The following UGT1A9 variants were observed in gnomAD, a reference collection of about 807,000 sequenced individuals.
UGT1A9 encodes UDP-glucuronosyltransferase 1A9.
A neutral mutation model predicts 45.0 loss-of-function variants in UGT1A9; 35 were observed. The observed-to-expected ratio is 0.78, with a 90% CI of 0.59 to 1.03. The LOEUF (loss-of-function observed/expected upper bound fraction) is 1.03, where lower values mean the gene tolerates loss of function less well. UGT1A9 is among the 50% of genes least tolerant of loss of function. The pLI is 0.00. For missense variants in UGT1A9, 687 were observed against 666.6 expected (o/e 1.03, Z -0.34); for synonymous variants, 278 against 250.6 (o/e 1.11, Z -1.03).
rs541532523 is a variant in UGT1A9, at chr2:233,772,760, G to A, written c.*201G>A. The A allele has an allele frequency of 2.4e-5, 33 of 1,393,894 alleles. No homozygotes were observed. The South Asian group carries it at 2.9e-4, about 12-fold the overall frequency. The allele number at this position is 1,393,894 out of a possible 1,614,324, so 86.3% of individuals were successfully genotyped here. A position where few individuals can be genotyped will look rare whatever the true frequency, so the allele number is the denominator to read the frequency against. On this transcript the variant is annotated 3_prime_UTR_variant, in exon 5 of 5. Transcript: ENST00000354728. ...CAGTAAAGATATTTGAATATGTATC[G>A]TGCCCCCTCTGGTGTCTTTGATCAG...
intron 1 of UGT1A9, chr2:233,719,437 C>T (rs1189079913): frequency 6.2e-7 from 1 of 1,613,870 alleles, no homozygotes; most frequent in East Asian, 2.2e-5. Context: ...GACCACATGA[C>T]ATTCCTGCAA....
At chr2:233,712,339 T>A (rs545397552) in intron 1 of UGT1A9, among the ~76,000 whole-genome samples, 7 of 152,174 alleles carry the variant, frequency 4.6e-5, no homozygotes, top group Non-Finnish European at 1.0e-4. Context: ...AATCTGATCA[T>A]CACATCTTGA....
rs1209379980 is a variant in UGT1A9, at chr2:233,682,140, G to T, written c.855+9351G>T. 5.6e-6 allele frequency: 9 copies of T among 1,614,082 alleles called. No homozygotes were observed. Among genetic ancestry groups the T allele is most frequent in the Non-Finnish European group, 7.6e-6 (9 of 1,180,026 alleles). ...CCAGAGGTGAGTTGGCAACTGGGAA[G>T]ATCACTGAATTGCACAGTGAAGACT... On this transcript the variant is annotated intron_variant, in intron 1 of 4. Transcript: ENST00000354728.
At chr2:233,708,481 G>A (rs1350842502) in intron 1 of UGT1A9, 2 of 152,206 alleles carry the variant, frequency 1.3e-5, no homozygotes, top group Non-Finnish European at 2.9e-5. Flanking sequence ...GCTGAGCGTG[G>A]TGGCTCATGC....
chr2:233,718,714 A>G (rs1440989582), intron 1 of UGT1A9: 4 of 1,607,872 alleles, frequency 2.5e-6, no homozygotes, highest in Non-Finnish European at 3.4e-6. Flanking sequence ...TTCCAATTAC[A>G]TGCTGATTTG....
chr2:233,688,438 C>T (rs1367790145), intron 1 of UGT1A9, among the ~76,000 whole-genome samples: 1 of 152,212 alleles, frequency 6.6e-6, no homozygotes, highest in African/African-American at 2.4e-5. Flanking sequence ...TACCTGACTG[C>T]CTCCCTGTGT....
At chr2:233,693,217 A>G (rs1044652784) in intron 1 of UGT1A9, 20 of 1,614,092 alleles carry the variant, frequency 1.2e-5, no homozygotes, top group Non-Finnish European at 1.6e-5. Flanking sequence ...AAGAATCCAA[A>G]TACTACACAA....
intron 1 of UGT1A9, among the ~76,000 whole-genome samples, chr2:233,699,389 T>C (rs1285645026): frequency 3.3e-5 from 5 of 152,220 alleles, no homozygotes; most frequent in Non-Finnish European, 5.9e-5. Flanking sequence ...AATATCTCAA[T>C]TTTAGAAGAG....
At chr2:233,746,881 A>T (rs1422259027) in intron 1 of UGT1A9, among the ~76,000 whole-genome samples, 1 of 151,740 alleles carries the variant, frequency 6.6e-6, no homozygotes, top group Non-Finnish European at 1.5e-5. Context: ...TGGTTAACAG[A>T]GAAGTAGGAG....
chr2:233,730,202 A>G (rs1380136603), intron 1 of UGT1A9, among the ~76,000 whole-genome samples: 2 of 152,160 alleles, frequency 1.3e-5, no homozygotes, highest in African/African-American at 4.8e-5. Context: ...GAGGAAGAGG[A>G]AGTAGACACG....
chr2:233,747,315 A>C (rs1575682403), intron 1 of UGT1A9: 2 of 1,603,160 alleles, frequency 1.2e-6, no homozygotes, highest in Non-Finnish European at 1.7e-6. Context: ...TGCTGGTGGT[A>C]CCCATTGATG....
chr2:233,747,843 G>C, intron 1 of UGT1A9: 1 of 1,613,470 alleles, frequency 6.2e-7, no homozygotes, highest in African/African-American at 1.3e-5. Context: ...CCTGCAAAGG[G>C]TCAAGAACAT....
intron 1 of UGT1A9, among the ~76,000 whole-genome samples, chr2:233,737,437 T>C (rs980239131): frequency 1.1e-4 from 16 of 152,146 alleles, no homozygotes; most frequent in Admixed American, 3.3e-4. Flanking sequence ...GGTGGGAGTG[T>C]CCCGTTTTTC....
intron 1 of UGT1A9, among the ~76,000 whole-genome samples, chr2:233,711,092 G>A (rs138181984): frequency 6.6e-6 from 1 of 152,130 alleles, no homozygotes; most frequent in Admixed American, 6.5e-5. Flanking sequence ...AAGTCTATCT[G>A]TGCAGCCCAG....
intron 1 of UGT1A9, chr2:233,690,760 TACACACACACACACATACACACAC>T: frequency 2.3e-5 from 21 of 905,434 alleles, no homozygotes; most frequent in Non-Finnish European, 2.8e-5. Flanking sequence ...AGTGCAGACA[TACACACACACACACATACACACAC>T]ACACACACAC....
chr2:233,718,776 G>A, intron 1 of UGT1A9: 1 of 1,612,920 alleles, frequency 6.2e-7, no homozygotes, highest in Middle Eastern at 2.0e-4. Flanking sequence ...AATGTAGCAG[G>A]CACAGCGTGG....
chr2:233,744,670 C>T (rs1462469986), intron 1 of UGT1A9, among the ~76,000 whole-genome samples: 1 of 151,906 alleles, frequency 6.6e-6, no homozygotes, highest in Non-Finnish European at 1.5e-5. Flanking sequence ...TGATATTACA[C>T]ATCACCCATG....
At chr2:233,731,004 T>C (rs2078096458) in intron 1 of UGT1A9, among the ~76,000 whole-genome samples, 1 of 152,244 alleles carries the variant, frequency 6.6e-6, no homozygotes, top group South Asian at 2.1e-4. Flanking sequence ...CTGTGCCATG[T>C]ACATCGTGAG....
chr2:233,769,478 T>C lies in UGT1A9; in HGVS notation c.1295+1039T>C. The C allele has an allele frequency of 5.6e-6, 9 of 1,611,038 alleles. No homozygotes were observed. Among genetic ancestry groups the C allele is most frequent in the Non-Finnish European group, 7.6e-6 (9 of 1,178,536 alleles). On this transcript the variant is annotated intron_variant, in intron 4 of 4. Transcript: ENST00000354728. The surrounding 1 kb of genome is among the most constrained non-coding windows in gnomAD (Gnocchi z 4.4). Reference sequence around the variant, plus strand: ...GCATTCATATGCGTGTGTGTGTGTGTGCGTGTGTTTATGAGAGTGTCCATT... The same window carrying C: ...GCATTCATATGCGTGTGTGTGTGTGCGCGTGTGTTTATGAGAGTGTCCATT...
Sources: allele counts gnomAD v4.1 joint callset (sites outside exome capture counted in the v4.1 genomes callset), GRCh38; gene constraint gnomAD v4.1.1; non-coding constraint Gnocchi (gnomAD v3.1); transcripts MANE v1.5; gene names NCBI Gene and HGNC (gene_info 2026-07-23, HGNC 2026-07-21).